SCHIP1: variants seen among roughly 807,000 people sequenced by gnomAD.
SCHIP1 encodes schwannomin interacting protein 1.
Under a neutral mutation model 29.7 loss-of-function variants are expected in SCHIP1, and 8 were observed. That is an observed-to-expected ratio of 0.27 (90% confidence interval 0.16 to 0.49). The LOEUF (loss-of-function observed/expected upper bound fraction) is 0.49. Ranked by LOEUF, SCHIP1 falls within the 20% of genes least tolerant of loss-of-function variation. The pLI is 0.99. For missense variants in SCHIP1, 193 were observed against 294.6 expected, an observed-to-expected ratio of 0.66 and a Z score of 2.52; for synonymous variants, 76 against 94.9, an observed-to-expected ratio of 0.80 and a Z score of 1.16.
the SCHIP1 span, among the ~76,000 whole-genome samples, chr3:159,416,061 G>T: frequency 2.0e-5 from 3 of 152,104 alleles, no homozygotes; most frequent in Non-Finnish European, 2.9e-5. Context: ...CCAGGATTTC[G>T]CATAATCTAG....
At chr3:159,322,464 G>T in the SCHIP1 span, among the ~76,000 whole-genome samples, 1 of 152,090 alleles carries the variant, frequency 6.6e-6, no homozygotes, top group Non-Finnish European at 1.5e-5. Flanking sequence ...GTCAGAGTAC[G>T]AGGAATCAAT....
chr3:159,851,135 C>T (rs1437613639), intron 1 of SCHIP1, among the ~76,000 whole-genome samples: 1 of 152,018 alleles, frequency 6.6e-6, no homozygotes, highest in Non-Finnish European at 1.5e-5. Flanking sequence ...ATTATCCAGG[C>T]ATAGTGGTGC....
At chr3:159,323,386 A>G in the SCHIP1 span, among the ~76,000 whole-genome samples, 1 of 152,218 alleles carries the variant, frequency 6.6e-6, no homozygotes, top group Non-Finnish European at 1.5e-5. Context: ...ATATGTAGGC[A>G]TCTATGGTTG....
the SCHIP1 span, among the ~76,000 whole-genome samples, chr3:159,662,012 G>A: frequency 6.6e-6 from 1 of 152,024 alleles, no homozygotes; most frequent in Non-Finnish European, 1.5e-5. Flanking sequence ...TGTTCCCCTG[G>A]TCACCTGCTC....
chr3:159,458,451 C>T, the SCHIP1 span, among the ~76,000 whole-genome samples: 1 of 152,196 alleles, frequency 6.6e-6, no homozygotes, highest in Admixed American at 6.5e-5. Context: ...CTCTGAGCTT[C>T]TTTTCTTCTT....
chr3:159,799,855 T>G, the SCHIP1 span, among the ~76,000 whole-genome samples: 1 of 152,216 alleles, frequency 6.6e-6, no homozygotes, highest in East Asian at 1.9e-4. Flanking sequence ...TGCAGCATTT[T>G]AAGTGGAGAA....
chr3:159,705,440 A>C, the SCHIP1 span, among the ~76,000 whole-genome samples: 1 of 152,078 alleles, frequency 6.6e-6, no homozygotes, highest in African/African-American at 2.4e-5. Context: ...CACCATCTTG[A>C]GGGTCCCCAG....
chr3:159,892,782 CT>C (rs1717672318), intron 6 of SCHIP1: 1 of 153,142 alleles, frequency 6.5e-6, no homozygotes, highest in South Asian at 2.1e-4. Flanking sequence ...TAGGCTAATG[CT>C]GGTCAAAATT....
the SCHIP1 span, among the ~76,000 whole-genome samples, chr3:159,433,413 T>A: frequency 1.3e-5 from 2 of 152,326 alleles, no homozygotes; most frequent in Middle Eastern, 3.4e-3. Flanking sequence ...AGAGCAGGGC[T>A]GGTGCCAGGT....
At chr3:159,494,292 C>A in the SCHIP1 span, among the ~76,000 whole-genome samples, 46 of 151,798 alleles carry the variant, frequency 3.0e-4, no homozygotes, top group African/African-American at 1.1e-3. Context: ...AAAAACTCTT[C>A]AAAAAAATCA....
chr3:159,843,846 A>ACAAAAG, intron 1 of SCHIP1, among the ~76,000 whole-genome samples: 1 of 140,054 alleles, frequency 7.1e-6, no homozygotes, highest in Non-Finnish European at 1.5e-5. Flanking sequence ...AAAAAAAAAA[A>ACAAAAG]GCATTGTAAA....
the SCHIP1 span, among the ~76,000 whole-genome samples, chr3:159,538,666 G>A: frequency 6.6e-6 from 1 of 152,142 alleles, no homozygotes; most frequent in South Asian, 2.1e-4. Flanking sequence ...GTTTTAGGAA[G>A]CATTGGTTTT....
the SCHIP1 span, among the ~76,000 whole-genome samples, chr3:159,756,994 C>T: frequency 6.6e-6 from 1 of 152,242 alleles, no homozygotes; most frequent in Admixed American, 6.5e-5. Context: ...CAACAAGTCT[C>T]TAGGAAGTTC....
chr3:159,372,997 A>G, the SCHIP1 span, among the ~76,000 whole-genome samples: 1 of 152,016 alleles, frequency 6.6e-6, no homozygotes, highest in Admixed American at 6.6e-5. Flanking sequence ...GAGCACAAAA[A>G]TAACTTCTTT....
At chr3:159,490,090 GATTTT>G in the SCHIP1 span, among the ~76,000 whole-genome samples, 1 of 152,038 alleles carries the variant, frequency 6.6e-6, no homozygotes, top group South Asian at 2.1e-4. Flanking sequence ...TTTTGTTTTT[GATTTT>G]GTTTTGTAAT....
At chr3:159,836,736 ATCCCTAT>A (rs1012672462), upstream of SCHIP1, among the ~76,000 whole-genome samples, 1 of 152,132 alleles carries the variant, frequency 6.6e-6, no homozygotes, top group African/African-American at 2.4e-5. Flanking sequence ...GAAAAAAAAA[ATCCCTAT>A]GCTACAAAGA....
chr3:159,613,766 G>C, the SCHIP1 span, among the ~76,000 whole-genome samples: 5 of 152,090 alleles, frequency 3.3e-5, no homozygotes, highest in African/African-American at 9.7e-5. Context: ...AGGAACTATA[G>C]GTCCTCAAAA....
the SCHIP1 span, among the ~76,000 whole-genome samples, chr3:159,597,256 A>C: frequency 2.0e-5 from 3 of 152,180 alleles, no homozygotes; most frequent in African/African-American, 7.2e-5. Flanking sequence ...GGTACATGTG[A>C]AATTTTGTAA....
chr3:159,844,223 A>G (rs958446637), intron 1 of SCHIP1, among the ~76,000 whole-genome samples: 1 of 152,226 alleles, frequency 6.6e-6, no homozygotes, highest in African/African-American at 2.4e-5. Flanking sequence ...TAGAAATACA[A>G]TGGATTCTTA....
Sources: gnomAD v4.1 joint callset for allele counts (sites outside exome capture counted in the v4.1 genomes callset) on GRCh38, gnomAD v4.1.1 for gene constraint, MANE v1.5 for transcripts, NCBI Gene and HGNC (gene_info 2026-07-23, HGNC 2026-07-21) for gene names.